Variants in LINGO2 observed in about 807,000 individuals in gnomAD.
LINGO2 encodes leucine rich repeat and Ig domain containing 2.
Under a neutral mutation model 30.6 loss-of-function variants are expected in LINGO2, and 14 were observed. That is an observed-to-expected ratio of 0.46 (90% CI 0.30 to 0.72). The LOEUF (loss-of-function observed/expected upper bound fraction) is 0.72, where lower values mean the gene tolerates loss of function less well. Ranked by LOEUF, LINGO2 falls within the 30% of genes least tolerant of loss-of-function variation. The probability of loss-of-function intolerance (pLI) is 0.07; values close to 1 mark genes in which losing one functional copy is unlikely to be tolerated. For missense variants in LINGO2, 729 were observed against 751.7 expected (o/e 0.97, Z 0.35); for synonymous variants, 317 against 288.5 (o/e 1.10, Z -1.00).
rs553075568 is a variant in LINGO2, at chr9:28,621,194, G to T, written c.-365+49006C>A. On this transcript the variant is annotated intron_variant, in intron 1 of 5. Transcript: ENST00000379992. ...ATTTTAAACTATATAACATAAAAAT[G>T]TATATATGTACATAGATAGGAATAA... Among the ~76,000 whole-genome samples, 164 of 151,976 alleles carry T rather than the reference G, an allele frequency of 1.1e-3. 1 individual carries two copies. The highest frequency in any genetic ancestry group is 2.0e-3 in the Non-Finnish European group (133 of 67,914).
At chr9:28,312,155 C>CTTTTTTTTTTT (rs72304845) in intron 3 of LINGO2, among the ~76,000 whole-genome samples, 2 of 143,260 alleles carry the variant, frequency 1.4e-5, no homozygotes, top group African/African-American at 2.5e-5. Flanking sequence ...TTTCTTTTTT[C>CTTTTTTTTTTT]TTTTTTTTGT....
At chr9:28,797,602 T>A in the LINGO2 span, among the ~76,000 whole-genome samples, 3 of 151,954 alleles carry the variant, frequency 2.0e-5, no homozygotes, top group Admixed American at 2.0e-4. Context: ...AATTAACATA[T>A]AAAATGCTGT....
At chr9:28,742,210 C>T in the LINGO2 span, among the ~76,000 whole-genome samples, 1 of 151,418 alleles carries the variant, frequency 6.6e-6, no homozygotes, top group East Asian at 1.9e-4. Context: ...TCATGCTGTC[C>T]TGCCTGGAGT....
chr9:29,148,483 GC>G, the LINGO2 span, among the ~76,000 whole-genome samples: 13 of 152,128 alleles, frequency 8.5e-5, no homozygotes, highest in African/African-American at 3.1e-4. Flanking sequence ...GATTATAGTG[GC>G]CCCCCTATAA....
chr9:28,714,198 C>CACACACAT, the LINGO2 span, among the ~76,000 whole-genome samples: 368 of 64,026 alleles, frequency 5.7e-3, 5 homozygotes, highest in Non-Finnish European at 8.1e-3. Context: ...TACACACATA[C>CACACACAT]ACACACACAC....
intron 3 of LINGO2, among the ~76,000 whole-genome samples, chr9:28,360,649 T>C (rs1056838012): frequency 2.0e-5 from 3 of 152,192 alleles, no homozygotes; most frequent in Non-Finnish European, 2.9e-5. Context: ...TACCAAACCA[T>C]GTATATGCCA....
chr9:28,034,574 T>A (rs2132925210), intron 4 of LINGO2, among the ~76,000 whole-genome samples: 1 of 152,264 alleles, frequency 6.6e-6, no homozygotes, highest in Admixed American at 6.5e-5. Flanking sequence ...GCTTTGCAAG[T>A]CAGCCTAGAA....
At chr9:28,763,600 C>T in the LINGO2 span, among the ~76,000 whole-genome samples, 1 of 151,126 alleles carries the variant, frequency 6.6e-6, no homozygotes, top group Non-Finnish European at 1.5e-5. Context: ...TTTAAATAAA[C>T]AACCTACATT....
intron 4 of LINGO2, among the ~76,000 whole-genome samples, chr9:28,120,103 CT>C (rs1827050900): frequency 6.6e-6 from 1 of 152,092 alleles, no homozygotes; most frequent in African/African-American, 2.4e-5. Context: ...AGTAAATTTC[CT>C]CTAAAACAAA....
the LINGO2 span, among the ~76,000 whole-genome samples, chr9:29,094,255 G>C: frequency 1.4e-5 from 2 of 138,786 alleles, 1 homozygote; most frequent in Admixed American, 1.5e-4. Context: ...ATTTAGAACA[G>C]AGGTGATTTA....
intron 1 of LINGO2, among the ~76,000 whole-genome samples, chr9:28,527,505 C>T (rs1388431536): frequency 6.6e-6 from 1 of 152,062 alleles, no homozygotes; most frequent in Admixed American, 6.6e-5. Context: ...GCTGTTTTTA[C>T]CATTCTTCAC....
intron 1 of LINGO2, among the ~76,000 whole-genome samples, chr9:28,619,183 G>A (rs898544024): frequency 1.5e-4 from 23 of 152,200 alleles, no homozygotes; most frequent in African/African-American, 4.8e-4. Flanking sequence ...AATGAATGAT[G>A]TTCAGCATTT....
Position 27,964,965 on chromosome 9 carries a change from C to A in LINGO2, c.-35-14259G>T, listed in dbSNP as rs10812708. Among the ~76,000 whole-genome samples, 1,410 of 152,134 alleles carry A rather than the reference C, an allele frequency of 9.3e-3. 118 individuals are homozygous for A. The East Asian group carries it at 0.18, about 20-fold the overall frequency. On this transcript the variant is annotated intron_variant, in intron 5 of 5. Transcript: ENST00000379992. ...GGAAAAAACTCATTTGCCCAAAAAA[C>A]CTCTGGAAATGCAGAGCAATCCCAA...
chr9:28,582,636 T>C (rs1417597968), intron 1 of LINGO2, among the ~76,000 whole-genome samples: 1 of 152,042 alleles, frequency 6.6e-6, no homozygotes, highest in African/African-American at 2.4e-5. Flanking sequence ...CATTAATCTC[T>C]AAATACTCCT....
At chr9:28,319,167 T>C (rs1228949449) in intron 3 of LINGO2, among the ~76,000 whole-genome samples, 3 of 152,314 alleles carry the variant, frequency 2.0e-5, no homozygotes, top group African/African-American at 7.2e-5. Flanking sequence ...AAATCAAATT[T>C]AACACAATGT....
intron 4 of LINGO2, among the ~76,000 whole-genome samples, chr9:28,280,829 T>A (rs1823296568): frequency 6.6e-6 from 1 of 151,222 alleles, no homozygotes; most frequent in Non-Finnish European, 1.5e-5. Flanking sequence ...CAGTGCCTAG[T>A]CTTCTGCAAA....
chr9:29,005,129 T>C, the LINGO2 span, among the ~76,000 whole-genome samples: 83 of 152,100 alleles, frequency 5.5e-4, 1 homozygote, highest in African/African-American at 2.0e-3. Context: ...CAAAGTTTTA[T>C]TGCCAATATA....
At chr9:28,195,954 C>T (rs576515813) in intron 4 of LINGO2, among the ~76,000 whole-genome samples, 2 of 151,684 alleles carry the variant, frequency 1.3e-5, no homozygotes, top group Admixed American at 6.6e-5. Flanking sequence ...CCATGAAAAA[C>T]TGGTGTATTC....
chr9:29,091,921 C>T, the LINGO2 span, among the ~76,000 whole-genome samples: 1 of 151,974 alleles, frequency 6.6e-6, no homozygotes, highest in Non-Finnish European at 1.5e-5. Context: ...ATCCTTCATA[C>T]ACAAAACTAT....
Sources: gnomAD v4.1 joint callset for allele counts (sites outside exome capture counted in the v4.1 genomes callset) on GRCh38, gnomAD v4.1.1 for gene constraint, MANE v1.5 for transcripts, NCBI Gene and HGNC (gene_info 2026-07-23, HGNC 2026-07-21) for gene names.